The following DOCK8 variants were observed in gnomAD, a reference collection of about 807,000 sequenced individuals.
DOCK8 encodes the protein dedicator of cytokinesis 8, also known as dedicator of cytokinesis protein 8.
DOCK8 carries 141 observed loss-of-function variants against 245.6 expected under a neutral mutation model. The ratio of observed to expected loss-of-function variants is 0.57; its 90% CI spans 0.50 to 0.66. The LOEUF is 0.66. Among genes scored for constraint, DOCK8 ranks in the 30% least tolerant of loss-of-function variants. The pLI is 0.00. For synonymous variants in DOCK8, 1,168 were observed against 970.2 expected, an observed-to-expected ratio of 1.20 and a Z score of -3.79; for missense variants, 2,965 against 2,603.4, an observed-to-expected ratio of 1.14 and a Z score of -3.02.
chr9:290,505 A>G (rs905731254), intron 4 of DOCK8, among the ~76,000 whole-genome samples: 5 of 152,210 alleles, frequency 3.3e-5, no homozygotes, highest in Non-Finnish European at 7.3e-5. Flanking sequence ...TGACCAAGAA[A>G]TAAATTACTT....
At chr9:217,807 A>T (rs2046793990) in intron 1 of DOCK8, among the ~76,000 whole-genome samples, 1 of 152,200 alleles carries the variant, frequency 6.6e-6, no homozygotes, top group South Asian at 2.1e-4. Context: ...TGTACAGAAG[A>T]GGAAAAGGAA....
chr9:367,556 G>A (rs886331099), intron 14 of DOCK8, among the ~76,000 whole-genome samples: 6 of 152,120 alleles, frequency 3.9e-5, no homozygotes, highest in South Asian at 4.1e-4. Context: ...TCTTAGATAA[G>A]AACAGAAAGC....
chr9:410,054 C>T (rs118030757), intron 28 of DOCK8, among the ~76,000 whole-genome samples: 1,990 of 152,066 alleles, frequency 0.013, 26 homozygotes, highest in Middle Eastern at 0.02. Context: ...ATGTTTATTG[C>T]GGCAAGATGT....
At chr9:381,926 C>G (rs867625954) in intron 21 of DOCK8, among the ~76,000 whole-genome samples, 6 of 151,444 alleles carry the variant, frequency 4.0e-5, no homozygotes, top group African/African-American at 9.7e-5. Context: ...TGCCACTGCA[C>G]TCCAGCCTGG....
chr9:399,286 C>G (rs372711282), intron 26 of DOCK8, 27 bp downstream of exon 26: 3 of 1,501,580 alleles, frequency 2.0e-6, no homozygotes, highest in East Asian at 2.5e-5. Flanking sequence ...CCCCCACCCC[C>G]GAGCGAGCCA....
At chr9:292,514 TTC>T (rs2049090540) in intron 4 of DOCK8, among the ~76,000 whole-genome samples, 1 of 151,966 alleles carries the variant, frequency 6.6e-6, no homozygotes, top group Non-Finnish European at 1.5e-5. Flanking sequence ...TTTTTTCATT[TTC>T]TTTTACTATT....
At chr9:217,229 T>C (rs1466835843) in intron 1 of DOCK8, among the ~76,000 whole-genome samples, 3 of 152,198 alleles carry the variant, frequency 2.0e-5, no homozygotes, top group Non-Finnish European at 4.4e-5. Flanking sequence ...TTGCCATCAT[T>C]AACATTACAA....
At chr9:293,911 GA>G (rs2049148940) in intron 4 of DOCK8, among the ~76,000 whole-genome samples, 1 of 152,188 alleles carries the variant, frequency 6.6e-6, no homozygotes, top group Admixed American at 6.5e-5. Flanking sequence ...GTGCATTAAG[GA>G]AAAGGCAAAT....
chr9:280,227 A>G (rs1334291857), intron 2 of DOCK8, among the ~76,000 whole-genome samples: 1 of 152,184 alleles, frequency 6.6e-6, no homozygotes, highest in East Asian at 1.9e-4. Flanking sequence ...TTTCTAGTCT[A>G]CTGACCAGAA....
rs181543564 is a variant in DOCK8 at position 249,843 on chromosome 9, G to T, written c.54-21784G>T. On this transcript the variant is annotated intron_variant, in intron 1 of 47. Transcript: ENST00000432829. ...GGGTTTCACCATGTTGGTCAGGTTG[G>T]TCTCGAACTCCTGACCTCAAGCGAC... 3.2e-3 allele frequency among the ~76,000 whole-genome samples: 481 copies of T among 151,422 alleles called. 18 individuals are homozygous for T. The highest frequency in any genetic ancestry group is 0.026 in the Admixed American group (402 of 15,200).
intron 25 of DOCK8, among the ~76,000 whole-genome samples, chr9:397,707 T>C (rs192181511): frequency 3.9e-5 from 6 of 152,094 alleles, no homozygotes; most frequent in Admixed American, 2.6e-4. Context: ...AATGTAGATA[T>C]GAAAGATAAT....
intron 1 of DOCK8, among the ~76,000 whole-genome samples, chr9:239,207 G>T (rs777600396): frequency 6.6e-6 from 1 of 152,080 alleles, no homozygotes; most frequent in Non-Finnish European, 1.5e-5. Flanking sequence ...ATACACACAC[G>T]CATGGCCGCA....
At chr9:347,896 A>G (rs1451211475) in intron 14 of DOCK8, among the ~76,000 whole-genome samples, 1 of 152,188 alleles carries the variant, frequency 6.6e-6, no homozygotes, top group Non-Finnish European at 1.5e-5. Context: ...AGAGGACACA[A>G]TTCACTCACT....
At chr9:272,285 C>A (rs886521645) in intron 2 of DOCK8, among the ~76,000 whole-genome samples, 1 of 152,130 alleles carries the variant, frequency 6.6e-6, no homozygotes, top group South Asian at 2.1e-4. Flanking sequence ...TTACAATCTC[C>A]TCTCCCCAGG....
At chr9:425,186 C>G (rs1385941678) in intron 33 of DOCK8, among the ~76,000 whole-genome samples, 2 of 152,044 alleles carry the variant, frequency 1.3e-5, no homozygotes, top group Admixed American at 6.5e-5. Flanking sequence ...ATTGTTTCTA[C>G]TAGACAGCAT....
chr9:396,914 C>G lies in DOCK8; in HGVS notation c.3100C>G (p.Leu1034Val), dbSNP rs1463483371. 10 of 1,613,860 alleles carry G rather than the reference C, an allele frequency of 6.2e-6. No individual in the cohort carries two copies. The highest frequency in any genetic ancestry group is 7.6e-6 in the Non-Finnish European group (9 of 1,180,006). Reference sequence around the variant, plus strand: ...TGTGGTCACCTCGGAAATTGCAGCCCTTTTAGTAAAACCACAGAAGGTAAC... The same window carrying G: ...TGTGGTCACCTCGGAAATTGCAGCCGTTTTAGTAAAACCACAGAAGGTAAC... Reference protein sequence around the residue: ...VNVVTSEIAALLVKPQKENEQ... With the variant: ...VNVVTSEIAAVLVKPQKENEQ... The change falls in exon 25 of 48, where the codon CTT (leucine) becomes GTT (valine). Residue 1034 changes from leucine to valine, a missense_variant. Transcript: ENST00000432829.
intron 25 of DOCK8, 34 bp from the exon 26 acceptor site, chr9:399,112 C>T (rs1451693917): frequency 1.9e-6 from 3 of 1,595,418 alleles, no homozygotes; most frequent in Admixed American, 1.7e-5. Flanking sequence ...CAGAGTGTCC[C>T]ACAAAATGAT....
At chr9:379,501 A>T (rs2053651663) in intron 20 of DOCK8, among the ~76,000 whole-genome samples, 1 of 152,102 alleles carries the variant, frequency 6.6e-6, no homozygotes, top group South Asian at 2.1e-4. Flanking sequence ...GGCTTAGAGA[A>T]GGAGGACGTC....
rs1314113563 is a variant in DOCK8 at position 214,918 on chromosome 9, G to T, written c.-59G>T. 1.9e-6 allele frequency: 3 copies of T among 1,603,798 alleles called. No individual in the cohort carries two copies. The highest frequency in any genetic ancestry group is 2.3e-5 in the East Asian group (1 of 43,968). ...ATGTTCCGCGGCTACTCTGCGGCGC[G>T]CCAGGCCCCCGCTTTCCGCACCCCG... On this transcript the variant is annotated 5_prime_UTR_variant, in exon 1 of 48. Transcript: ENST00000432829.
Sources: allele counts gnomAD v4.1 joint callset (sites outside exome capture counted in the v4.1 genomes callset), GRCh38; gene constraint gnomAD v4.1.1; transcripts MANE v1.5; gene names NCBI Gene and HGNC (gene_info 2026-07-23, HGNC 2026-07-21).